The following ADAMTS17 variants were observed in gnomAD, a reference collection of about 807,000 sequenced individuals.
ADAMTS17 encodes A disintegrin and metalloproteinase with thrombospondin motifs 17.
In ADAMTS17, 113 loss-of-function variants were observed where a neutral mutation model predicts 141.5. That is an observed-to-expected ratio of 0.80 (90% CI 0.69 to 0.93). The LOEUF (loss-of-function observed/expected upper bound fraction) is 0.93. ADAMTS17 is among the 40% of genes least tolerant of loss of function. The pLI is 0.00. For synonymous variants in ADAMTS17, 768 were observed against 630.6 expected, an observed-to-expected ratio of 1.22 and a Z score of -3.27; for missense variants, 1,659 against 1,517.9, an observed-to-expected ratio of 1.09 and a Z score of -1.54.
intron 15 of ADAMTS17, among the ~76,000 whole-genome samples, chr15:100,057,177 A>T (rs1345803390): frequency 6.6e-6 from 1 of 152,092 alleles, no homozygotes; most frequent in Admixed American, 6.5e-5. Context: ...AGCAAGTGGA[A>T]GGTAAAGTTT....
At chr15:100,179,081 C>A (rs1282433275) in intron 8 of ADAMTS17, among the ~76,000 whole-genome samples, 2 of 152,148 alleles carry the variant, frequency 1.3e-5, no homozygotes, top group African/African-American at 4.8e-5. Flanking sequence ...TCATCTCCAA[C>A]AATCCAAGTA....
chr15:100,325,246 C>T (rs2045863091), intron 3 of ADAMTS17, among the ~76,000 whole-genome samples: 1 of 152,186 alleles, frequency 6.6e-6, no homozygotes, highest in Admixed American at 6.5e-5. Flanking sequence ...CACCACACCC[C>T]TGCCCACCAC....
chr15:100,133,397 C>G, intron 10 of ADAMTS17, 82 bp from the exon 11 acceptor site: 1 of 1,390,602 alleles, frequency 7.2e-7, no homozygotes, highest in Non-Finnish European at 1.0e-6. Flanking sequence ...TGTGGCCCAA[C>G]CACTGTTTCA....
chr15:100,127,120 A>G (rs1162440234), intron 12 of ADAMTS17, among the ~76,000 whole-genome samples: 1 of 152,146 alleles, frequency 6.6e-6, no homozygotes, highest in African/African-American at 2.4e-5. Context: ...CGAGAGCACA[A>G]AGGAGGCTTC....
intron 4 of ADAMTS17, among the ~76,000 whole-genome samples, chr15:100,265,646 C>T (rs566128483): frequency 1.7e-4 from 26 of 152,306 alleles, no homozygotes; most frequent in East Asian, 5.8e-4. Flanking sequence ...CTGCTCACCA[C>T]GCCAGGCTGG....
intron 18 of ADAMTS17, among the ~76,000 whole-genome samples, chr15:100,010,723 C>T (rs2061148880): frequency 6.6e-6 from 1 of 152,212 alleles, no homozygotes; most frequent in African/African-American, 2.4e-5. Flanking sequence ...AGACCTGTGG[C>T]TGCTTTTATT....
At chr15:100,010,088 G>T (rs28650230) in intron 18 of ADAMTS17, among the ~76,000 whole-genome samples, 14,453 of 152,248 alleles carry the variant, frequency 0.095, 2,324 homozygotes, top group African/African-American at 0.33. Context: ...GCAGTTCCCC[G>T]GCACATGCCT....
intron 3 of ADAMTS17, among the ~76,000 whole-genome samples, chr15:100,293,172 C>T (rs1767724677): frequency 6.6e-6 from 1 of 152,004 alleles, no homozygotes; most frequent in African/African-American, 2.4e-5. Flanking sequence ...ATTATCGCAC[C>T]CAGAAGAGGG....
At chr15:100,088,967 A>G (rs911252502) in intron 15 of ADAMTS17, among the ~76,000 whole-genome samples, 18 of 151,852 alleles carry the variant, frequency 1.2e-4, no homozygotes, top group Non-Finnish European at 2.4e-4. Context: ...AGCAATGGCA[A>G]CAAAAGCCAA....
chr15:100,208,201 C>G (rs1293527278), intron 7 of ADAMTS17, among the ~76,000 whole-genome samples: 2 of 152,202 alleles, frequency 1.3e-5, no homozygotes, highest in Non-Finnish European at 2.9e-5. Flanking sequence ...AAAGGGAGCA[C>G]TGCTGCTGGT....
chr15:100,156,533 A>AG (rs982392310), intron 8 of ADAMTS17, among the ~76,000 whole-genome samples: 5 of 152,198 alleles, frequency 3.3e-5, no homozygotes, highest in Admixed American at 6.5e-5. Context: ...CCGTCAGTGG[A>AG]GGGGGGGCAT....
rs1402534745 is a variant in ADAMTS17 at position 100,162,810 on chromosome 15, C to CATAT, written c.1182-7491_1182-7490insATAT. The stretch of plus-strand genomic sequence containing the variant: ...TGCACATATACACAGTATATATGCA[C>CATAT]ACATACACATTATATATATGTGTAT... On this transcript the variant is annotated intron_variant, in intron 8 of 21. Coordinates refer to ENST00000268070, the MANE Select transcript of ADAMTS17 (RefSeq NM_139057.4). Among the ~76,000 whole-genome samples, 36 of 143,702 alleles carry CATAT rather than the reference C, an allele frequency of 2.5e-4. 1 individual carries two copies. The highest frequency in any genetic ancestry group is 8.6e-4 in the African/African-American group (34 of 39,712). The allele number at this position is 143,702 out of a possible 152,430, so 94.3% of individuals were successfully genotyped here.
chr15:100,021,866 C>T (rs568129056), intron 18 of ADAMTS17, among the ~76,000 whole-genome samples: 8 of 152,176 alleles, frequency 5.3e-5, no homozygotes, highest in East Asian at 1.9e-4. Flanking sequence ...TCTGCCTGCA[C>T]GCCCTCCTCA....
chr15:100,059,257 TG>T (rs1363272697), intron 15 of ADAMTS17, among the ~76,000 whole-genome samples: 32 of 152,244 alleles, frequency 2.1e-4, no homozygotes, highest in Non-Finnish European at 4.4e-5. Flanking sequence ...AGAATACACT[TG>T]GCATGCCCAC....
In ADAMTS17 at chr15:100,062,821, T is replaced by G. The variant is rs376489387; in HGVS notation, c.2138-8767A>C. 1.4e-4 allele frequency among the ~76,000 whole-genome samples: 21 copies of G among 152,258 alleles called. No individual in the cohort carries two copies. In the East Asian group the frequency reaches 3.1e-3, roughly 22 times the overall value. ...GGGTGCCTGAGGAAGATCAGCCACC[T>G]TGAGTTTAAGTTTAACCCAAGACAG... On this transcript the variant is annotated intron_variant, in intron 15 of 21. Coordinates refer to ENST00000268070, the MANE Select transcript of ADAMTS17 (RefSeq NM_139057.4).
chr15:100,229,852 G>A (rs1596322917), intron 7 of ADAMTS17, among the ~76,000 whole-genome samples: 1 of 152,220 alleles, frequency 6.6e-6, no homozygotes, highest in Non-Finnish European at 1.5e-5. Flanking sequence ...CAGTGAGCAG[G>A]TGGACACAGA....
At position 99,991,705 on chromosome 15, in the gene ADAMTS17, A is replaced by G. The variant is rs141713026; in HGVS notation, c.2949+1343T>C. ...CCAAAGGATTATAAACCATTCCACT[A>G]TAAAGACACATGCACACATACGTTT... is the stretch of plus-strand genomic sequence containing the variant. On this transcript the variant is annotated intron_variant, in intron 20 of 21. Transcript: ENST00000268070. Among the ~76,000 whole-genome samples the G allele has an allele frequency of 3.1e-3, 471 of 152,364 alleles. 2 individuals carry two copies. The highest frequency in any genetic ancestry group is 0.011 in the African/African-American group (440 of 41,588).
chr15:100,006,321 A>C (rs74036681), intron 18 of ADAMTS17, among the ~76,000 whole-genome samples: 1,667 of 152,232 alleles, frequency 0.011, 36 homozygotes, highest in African/African-American at 0.038. Context: ...TGCCAACCAC[A>C]CACTCACTGC....
chr15:100,245,345 G>A (rs1250700490), intron 7 of ADAMTS17, among the ~76,000 whole-genome samples: 1 of 152,224 alleles, frequency 6.6e-6, no homozygotes, highest in African/African-American at 2.4e-5. Flanking sequence ...AATGAAGGGG[G>A]CTCTGGGCCT....
Sources: gnomAD v4.1 joint callset for allele counts (sites outside exome capture counted in the v4.1 genomes callset) on GRCh38, gnomAD v4.1.1 for gene constraint, MANE v1.5 for transcripts, NCBI Gene and HGNC (gene_info 2026-07-23, HGNC 2026-07-21) for gene names.